The following IGF2BP3 variants were observed in gnomAD, a reference collection of about 807,000 sequenced individuals.
The protein encoded by IGF2BP3 is insulin like growth factor 2 mRNA binding protein 3, also known as insulin-like growth factor 2 mRNA-binding protein 3.
A neutral mutation model predicts 73.8 loss-of-function variants in IGF2BP3; 9 were observed. The ratio of observed to expected loss-of-function variants is 0.12; its 90% CI spans 0.07 to 0.21. IGF2BP3 has a LOEUF of 0.21. Ranked by LOEUF, IGF2BP3 falls within the 10% of genes least tolerant of loss-of-function variation. The pLI is 1.00. For synonymous variants in IGF2BP3, 258 were observed against 256.7 expected (o/e 1.01, Z -0.05); for missense variants, 542 against 714.0 (o/e 0.76, Z 2.75).
rs76532449 is a variant in IGF2BP3 at position 23,460,254 on chromosome 7, C to T, written c.236+8228G>A. On this transcript the variant is annotated intron_variant, in intron 2 of 14. Transcript: ENST00000258729. ...ATGTTAAAAAAGTGCAAGAGTAGAT[C>T]AACTGGCCAGGAGCGGTAGTCCCAG... 6.1e-3 allele frequency among the ~76,000 whole-genome samples: 893 copies of T among 146,248 alleles called. 6 individuals carry two copies. The highest frequency in any genetic ancestry group is 0.021 in the African/African-American group (844 of 39,260).
chr7:23,447,524 C>CT (rs1433363810), intron 2 of IGF2BP3, among the ~76,000 whole-genome samples: 1 of 151,430 alleles, frequency 6.6e-6, no homozygotes, highest in Non-Finnish European at 1.5e-5. Flanking sequence ...ACTCGGGAGG[C>CT]TGAGGAATGA....
chr7:23,352,779 T>C (rs1784999287), intron 5 of IGF2BP3, among the ~76,000 whole-genome samples: 1 of 152,202 alleles, frequency 6.6e-6, no homozygotes, highest in Non-Finnish European at 1.5e-5. Flanking sequence ...AGACTTCTAA[T>C]ACCATAGATT....
chr7:23,459,550 G>A (rs1788396034), intron 2 of IGF2BP3, among the ~76,000 whole-genome samples: 1 of 152,098 alleles, frequency 6.6e-6, no homozygotes, highest in Non-Finnish European at 1.5e-5. Flanking sequence ...ACTGGACTTG[G>A]GGCCAGGTGC....
intron 12 of IGF2BP3, among the ~76,000 whole-genome samples, chr7:23,314,200 T>TG (rs1209264088): frequency 6.6e-6 from 1 of 151,028 alleles, no homozygotes; most frequent in Non-Finnish European, 1.5e-5. Context: ...TTTTTTTTTT[T>TG]GAGACGGAGT....
At chr7:23,331,492 A>G (rs977575236) in intron 10 of IGF2BP3, among the ~76,000 whole-genome samples, 3 of 152,206 alleles carry the variant, frequency 2.0e-5, no homozygotes, top group African/African-American at 7.2e-5. Flanking sequence ...GGGTGTGTAC[A>G]GATGAGACAG....
intron 2 of IGF2BP3, among the ~76,000 whole-genome samples, chr7:23,438,142 C>T (rs1361794615): frequency 6.6e-6 from 1 of 152,144 alleles, no homozygotes; most frequent in Non-Finnish European, 1.5e-5. Context: ...TTTTTTGAGA[C>T]GGAGTCTCAC....
At chr7:23,373,733 A>G (rs1785631197) in intron 3 of IGF2BP3, among the ~76,000 whole-genome samples, 2 of 152,148 alleles carry the variant, frequency 1.3e-5, no homozygotes, top group Admixed American at 6.5e-5. Flanking sequence ...TCTTCTTCGA[A>G]TCTCATGCTG....
intron 8 of IGF2BP3, among the ~76,000 whole-genome samples, chr7:23,345,318 C>T (rs888093601): frequency 6.6e-6 from 1 of 152,184 alleles, no homozygotes; most frequent in African/African-American, 2.4e-5. Context: ...ACATACATAC[C>T]AAATAGGGCT....
chr7:23,361,517 A>C lies in IGF2BP3; in HGVS notation c.401+17T>G. 1 of 1,601,728 alleles carries C rather than the reference A, an allele frequency of 6.2e-7. No homozygotes were observed. Among genetic ancestry groups the C allele is most frequent in the Non-Finnish European group, 8.5e-7 (1 of 1,170,948 alleles). ...ACTTAGTTATTATATATAGATTAAA[A>C]GCTTCAAGCTGCTTACTGTCTAGCT... On this transcript the variant is annotated intron_variant, in intron 5 of 14. Transcript: ENST00000258729.
chr7:23,419,575 G>C (rs980083143), intron 2 of IGF2BP3, among the ~76,000 whole-genome samples: 1 of 152,218 alleles, frequency 6.6e-6, no homozygotes, highest in Non-Finnish European at 1.5e-5. Flanking sequence ...CCTGAGGCCA[G>C]GCACAGTGGC....
rs1000229721 is a variant in IGF2BP3 at position 23,415,324 on chromosome 7, C to T, written c.285+3452G>A. 5.8e-5 allele frequency: 14 copies of T among 243,204 alleles called. No homozygotes were observed. In the East Asian group the frequency reaches 2.0e-3, roughly 34 times the overall value. The allele number at this position is 243,204 out of a possible 1,614,324, so 15.1% of individuals were successfully genotyped here. A position where few individuals can be genotyped will look rare whatever the true frequency, so the allele number is the denominator to read the frequency against. ...ACCACATCCGCAGGTCCCCGTTCAT[C>T]GGCTTCACCGCATCCGCAGGTCCCG... On this transcript the variant is annotated intron_variant, in intron 3 of 14. Transcript: ENST00000258729.
At chr7:23,393,157 G>A (rs1176741956) in intron 3 of IGF2BP3, among the ~76,000 whole-genome samples, 1 of 152,080 alleles carries the variant, frequency 6.6e-6, no homozygotes, top group Non-Finnish European at 1.5e-5. Context: ...CGCTGGAGTG[G>A]CCTTCCAGAA....
chr7:23,393,956 G>A (rs1031130328), intron 3 of IGF2BP3, among the ~76,000 whole-genome samples: 2 of 152,148 alleles, frequency 1.3e-5, no homozygotes, highest in Non-Finnish European at 2.9e-5. Context: ...GAGTTATTAG[G>A]AGGGTACACA....
At chr7:23,460,201 A>AAAAAAAAAAAAAAC (rs34563888) in intron 2 of IGF2BP3, among the ~76,000 whole-genome samples, 2 of 146,908 alleles carry the variant, frequency 1.4e-5, no homozygotes, top group Non-Finnish European at 3.0e-5. Flanking sequence ...AAAAAACAAA[A>AAAAAAAAAAAAAAC]ACGAAAGTGA....
intron 2 of IGF2BP3, among the ~76,000 whole-genome samples, chr7:23,432,215 C>T (rs942345350): frequency 6.6e-6 from 1 of 152,190 alleles, no homozygotes; most frequent in African/African-American, 2.4e-5. Flanking sequence ...GAAAACTTGA[C>T]TGACGCCATG....
chr7:23,401,962 C>G (rs539638585), intron 3 of IGF2BP3, among the ~76,000 whole-genome samples: 6 of 151,942 alleles, frequency 3.9e-5, no homozygotes, highest in African/African-American at 7.3e-5. Context: ...ACTAAAATTA[C>G]GAAAATTAGC....
rs11975154 is a variant in IGF2BP3 at position 23,386,803 on chromosome 7, C to G, written c.286-25062G>C. 2.8e-3 allele frequency among the ~76,000 whole-genome samples: 426 copies of G among 152,260 alleles called. 3 individuals carry two copies. The highest frequency in any genetic ancestry group is 9.8e-3 in the African/African-American group (408 of 41,548). ...CATCAGTGGGCTGGGCATGCTGGCT[C>G]ACACCCATAATCCCAGCACTTTGGA... On this transcript the variant is annotated intron_variant, in intron 3 of 14. Coordinates refer to ENST00000258729, the MANE Select transcript of IGF2BP3 (RefSeq NM_006547.3).
At position 23,418,763 on chromosome 7, in the gene IGF2BP3, C is replaced by T; in HGVS notation, c.285+13G>A. ...CATACTTAGATCTTAATTTTAAATA[C>T]AGAAATTCTTACCTCCCACTGTAAA... On this transcript the variant is annotated intron_variant, in intron 3 of 14. Transcript: ENST00000258729. 6.5e-7 allele frequency: 1 copy of T among 1,543,662 alleles called. No individual in the cohort carries two copies. The highest frequency in any genetic ancestry group is 8.9e-7 in the Non-Finnish European group (1 of 1,127,442).
At chr7:23,438,737 A>C (rs968938152) in intron 2 of IGF2BP3, among the ~76,000 whole-genome samples, 6 of 152,206 alleles carry the variant, frequency 3.9e-5, no homozygotes, top group African/African-American at 1.4e-4. Flanking sequence ...TAGTTATAAT[A>C]ACCCTAGTTG....
Sources: allele counts gnomAD v4.1 joint callset (sites outside exome capture counted in the v4.1 genomes callset), GRCh38; gene constraint gnomAD v4.1.1; transcripts MANE v1.5; gene names NCBI Gene and HGNC (gene_info 2026-07-23, HGNC 2026-07-21).